Variants in PDGFC observed in about 807,000 individuals in gnomAD.
PDGFC encodes the protein platelet derived growth factor C, also known as platelet-derived growth factor C.
Under a neutral mutation model 35.5 loss-of-function variants are expected in PDGFC, and 12 were observed. The observed-to-expected ratio is 0.34, with a 90% CI of 0.22 to 0.55. PDGFC has a LOEUF of 0.55. Among genes scored for constraint, PDGFC ranks in the 20% least tolerant of loss-of-function variants. The probability of loss-of-function intolerance (pLI) is 0.91; values close to 1 mark genes in which losing one functional copy is unlikely to be tolerated. For synonymous variants in PDGFC, 159 were observed against 148.8 expected, an observed-to-expected ratio of 1.07 and a Z score of -0.50; for missense variants, 322 against 412.4, an observed-to-expected ratio of 0.78 and a Z score of 1.90.
At position 156,971,052 on chromosome 4, in the gene PDGFC, A is replaced by C; in HGVS notation, c.-149T>G. On this transcript the variant is annotated 5_prime_UTR_variant, in exon 1 of 6. The change abolishes an upstream ATG in the 5' untranslated region. Coordinates refer to ENST00000502773, the MANE Select transcript of PDGFC (RefSeq NM_016205.3). ...CAGAGAATCGCAGGGTAGTTTCCAC[A>C]TAATCCCATCCAAAACTTTTTCCTA... The C allele has an allele frequency of 1.7e-6, 1 of 602,368 alleles. No individual in the cohort carries two copies. The highest frequency in any genetic ancestry group is 3.0e-6 in the Non-Finnish European group (1 of 337,398). 37.3% of individuals were successfully genotyped at this position (602,368 alleles called of 1,614,324 possible). A position where few individuals can be genotyped will look rare whatever the true frequency, so the allele number is the denominator to read the frequency against.
At chr4:156,893,619 A>G (rs1730565280) in intron 1 of PDGFC, among the ~76,000 whole-genome samples, 1 of 151,812 alleles carries the variant, frequency 6.6e-6, no homozygotes, top group Non-Finnish European at 1.5e-5. Context: ...ATTACAGGCA[A>G]GAACCACCAT....
At chr4:156,800,965 G>C (rs1377348895) in intron 3 of PDGFC, among the ~76,000 whole-genome samples, 1 of 152,170 alleles carries the variant, frequency 6.6e-6, no homozygotes, top group Non-Finnish European at 1.5e-5. Context: ...AGGAGGATGA[G>C]AGAAGCCTGA....
At chr4:156,882,946 T>C (rs1014981840) in intron 1 of PDGFC, among the ~76,000 whole-genome samples, 1 of 152,124 alleles carries the variant, frequency 6.6e-6, no homozygotes, top group South Asian at 2.1e-4. Context: ...TAGCCGGACA[T>C]GGTGGCAGAC....
chr4:156,888,776 A>T (rs149909919), intron 1 of PDGFC, among the ~76,000 whole-genome samples: 11 of 152,114 alleles, frequency 7.2e-5, no homozygotes, highest in Non-Finnish European at 1.5e-4. Context: ...TTTTTTACCA[A>T]TTGGTGTGCA....
intron 2 of PDGFC, among the ~76,000 whole-genome samples, chr4:156,848,187 T>C (rs953877086): frequency 4.6e-5 from 7 of 151,938 alleles, no homozygotes; most frequent in East Asian, 1.9e-4. Context: ...ACCTTATTAG[T>C]AATCAGAAAA....
chr4:156,856,132 C>T (rs781497355), intron 1 of PDGFC, among the ~76,000 whole-genome samples: 5 of 152,046 alleles, frequency 3.3e-5, no homozygotes, highest in African/African-American at 7.2e-5. Flanking sequence ...ACAAATAGCA[C>T]AATAAAACAA....
chr4:156,770,978 G>A (rs772928911), intron 4 of PDGFC, among the ~76,000 whole-genome samples: 4 of 152,010 alleles, frequency 2.6e-5, no homozygotes, highest in Non-Finnish European at 5.9e-5. Context: ...TCTCAGGAGG[G>A]GAGTTGGTTT....
chr4:156,876,087 A>T (rs990026764), intron 1 of PDGFC, among the ~76,000 whole-genome samples: 6 of 152,152 alleles, frequency 3.9e-5, no homozygotes, highest in African/African-American at 1.4e-4. Flanking sequence ...ATCAAAAGCA[A>T]ATACTTTCTT....
chr4:156,858,728 A>G (rs1248751077), intron 1 of PDGFC, among the ~76,000 whole-genome samples: 1 of 152,150 alleles, frequency 6.6e-6, no homozygotes, highest in East Asian at 1.9e-4. Flanking sequence ...ATACATTTAC[A>G]CCTAATAATA....
At chr4:156,898,532 A>G (rs1268118736) in intron 1 of PDGFC, among the ~76,000 whole-genome samples, 1 of 152,192 alleles carries the variant, frequency 6.6e-6, no homozygotes, top group Admixed American at 6.5e-5. Context: ...ACAATCTGCA[A>G]CTGCAACTTG....
intron 1 of PDGFC, among the ~76,000 whole-genome samples, chr4:156,906,473 G>A (rs371457623): frequency 5.3e-5 from 8 of 152,112 alleles, no homozygotes; most frequent in Non-Finnish European, 7.4e-5. Flanking sequence ...CTTGTAAAAC[G>A]TGATACAATG....
intron 1 of PDGFC, among the ~76,000 whole-genome samples, chr4:156,856,024 T>G (rs939523658): frequency 6.6e-6 from 1 of 152,124 alleles, no homozygotes; most frequent in Non-Finnish European, 1.5e-5. Flanking sequence ...ATTTACATGC[T>G]TAATATTTTA....
intron 3 of PDGFC, among the ~76,000 whole-genome samples, chr4:156,792,425 A>C (rs961790266): frequency 6.6e-6 from 1 of 152,184 alleles, no homozygotes; most frequent in Non-Finnish European, 1.5e-5. Flanking sequence ...AAAATCACAG[A>C]GCACATTTTT....
At chr4:156,925,880 G>T (rs189347799) in intron 1 of PDGFC, among the ~76,000 whole-genome samples, 1 of 151,002 alleles carries the variant, frequency 6.6e-6, no homozygotes, top group Non-Finnish European at 1.5e-5. Context: ...GTGAAACCCC[G>T]TCTCTACAAA....
At chr4:156,769,180 T>C (rs1730625331) in intron 4 of PDGFC, among the ~76,000 whole-genome samples, 1 of 151,762 alleles carries the variant, frequency 6.6e-6, no homozygotes, top group African/African-American at 2.4e-5. Flanking sequence ...CTAATATGGA[T>C]AACACAGACA....
At chr4:156,818,693 G>A (rs1273369314) in intron 2 of PDGFC, among the ~76,000 whole-genome samples, 4 of 151,828 alleles carry the variant, frequency 2.6e-5, no homozygotes, top group African/African-American at 7.3e-5. Context: ...TAATAGAGAC[G>A]GGGTTTCACT....
chr4:156,861,579 G>C (rs1445068859), intron 1 of PDGFC: 1 of 424,570 alleles, frequency 2.4e-6, no homozygotes, highest in African/African-American at 2.1e-5. Flanking sequence ...TCAGATTTTG[G>C]AAGTTAAAAA....
chr4:156,801,432 C>T (rs990161755), intron 3 of PDGFC, among the ~76,000 whole-genome samples: 1 of 152,138 alleles, frequency 6.6e-6, no homozygotes, highest in African/African-American at 2.4e-5. Context: ...ACAAAAAGAG[C>T]CCCCTGGAGG....
intron 1 of PDGFC, among the ~76,000 whole-genome samples, chr4:156,878,431 A>G (rs1730165354): frequency 6.6e-6 from 1 of 152,212 alleles, no homozygotes; most frequent in Admixed American, 6.5e-5. Context: ...TTTATTAAAA[A>G]TTACAATTAA....
Sources: allele counts gnomAD v4.1 joint callset (sites outside exome capture counted in the v4.1 genomes callset), GRCh38; gene constraint gnomAD v4.1.1; transcripts MANE v1.5; gene names NCBI Gene and HGNC (gene_info 2026-07-23, HGNC 2026-07-21).